Variants in CCDC146 observed in about 807,000 individuals in gnomAD.
The protein encoded by CCDC146 is coiled-coil domain containing 146.
In CCDC146, 92 loss-of-function variants were observed where a neutral mutation model predicts 119.3. The observed-to-expected ratio is 0.77, with a 90% CI of 0.65 to 0.92. The LOEUF is 0.92. Among genes scored for constraint, CCDC146 ranks in the 40% least tolerant of loss-of-function variants. The pLI, the probability that CCDC146 is intolerant of heterozygous loss-of-function variation, is 0.00. For missense variants in CCDC146, 1,000 were observed against 1,103.0 expected (o/e 0.91, Z 1.32); for synonymous variants, 372 against 371.8 (o/e 1.00, Z -0.01).
intron 6 of CCDC146, among the ~76,000 whole-genome samples, chr7:77,256,858 A>T (rs887143423): frequency 6.6e-6 from 1 of 152,186 alleles, no homozygotes; most frequent in South Asian, 2.1e-4. Flanking sequence ...TAATCCCAGC[A>T]CTTTGTGAGG....
chr7:77,173,413 G>C lies in CCDC146; in HGVS notation c.156+5589G>C, dbSNP rs546400379. On this transcript the variant is annotated intron_variant, in intron 2 of 18. Transcript: ENST00000285871. ...GGAGACTGAGGTGAGCGGATCACCT[G>C]AGGTCAGGGGTTCCAGACCAGCCTG... 1.3e-4 allele frequency among the ~76,000 whole-genome samples: 20 copies of C among 152,228 alleles called. No homozygotes were observed. The South Asian group carries it at 4.2e-3, about 32-fold the overall frequency.
At chr7:77,158,364 A>G (rs1439155140) in intron 1 of CCDC146, among the ~76,000 whole-genome samples, 1 of 152,118 alleles carries the variant, frequency 6.6e-6, no homozygotes, top group Non-Finnish European at 1.5e-5. Context: ...AAGGTGTTAT[A>G]TTAAACATTC....
intron 1 of CCDC146, among the ~76,000 whole-genome samples, chr7:77,140,926 AT>A (rs999880382): frequency 1.4e-5 from 2 of 147,616 alleles, no homozygotes; most frequent in Non-Finnish European, 3.0e-5. Flanking sequence ...ATTAGCCTTT[AT>A]TTTTTTTTAT....
At chr7:77,198,875 G>T in intron 2 of CCDC146, 1 of 425,698 alleles carries the variant, frequency 2.3e-6, no homozygotes, top group East Asian at 3.8e-5. Flanking sequence ...GAAGAGACAA[G>T]TTAAATGCAC....
chr7:77,255,791 G>T (rs1033265621), intron 5 of CCDC146, among the ~76,000 whole-genome samples: 2 of 152,160 alleles, frequency 1.3e-5, no homozygotes, highest in African/African-American at 2.4e-5. Context: ...GGGGTAGATG[G>T]TATTTGGGGA....
chr7:77,151,552 A>G (rs73371561), intron 1 of CCDC146, among the ~76,000 whole-genome samples: 1 of 152,196 alleles, frequency 6.6e-6, no homozygotes, highest in African/African-American at 2.4e-5. Flanking sequence ...CAACGTTTGT[A>G]AAATCTCATT....
At chr7:77,284,399 A>T (rs1341218724) in intron 15 of CCDC146, among the ~76,000 whole-genome samples, 1 of 151,140 alleles carries the variant, frequency 6.6e-6, no homozygotes. Flanking sequence ...GCCCCCAGGA[A>T]CTCCATGCTT....
At chr7:77,247,904 C>T (rs1440202798) in intron 4 of CCDC146, among the ~76,000 whole-genome samples, 1 of 152,142 alleles carries the variant, frequency 6.6e-6, no homozygotes, top group African/African-American at 2.4e-5. Flanking sequence ...AAAAATAGAA[C>T]TACTAATCCA....
At chr7:77,189,410 T>C (rs1047501922) in intron 2 of CCDC146, among the ~76,000 whole-genome samples, 6 of 152,208 alleles carry the variant, frequency 3.9e-5, no homozygotes, top group African/African-American at 1.2e-4. Flanking sequence ...GCTTTCCTCA[T>C]CACTTAGCAA....
intron 2 of CCDC146, among the ~76,000 whole-genome samples, chr7:77,202,282 A>G (rs979410300): frequency 6.6e-6 from 1 of 152,330 alleles, no homozygotes; most frequent in East Asian, 1.9e-4. Flanking sequence ...AAGACCTGGT[A>G]TTTTCTTCAC....
At chr7:77,187,418 A>T (rs186410163) in intron 2 of CCDC146, among the ~76,000 whole-genome samples, 105 of 152,054 alleles carry the variant, frequency 6.9e-4, no homozygotes, top group African/African-American at 2.3e-3. Flanking sequence ...GGGGCCTAGT[A>T]CATAAGCTCA....
chr7:77,230,049 T>C (rs1458434585), intron 2 of CCDC146, among the ~76,000 whole-genome samples: 8 of 152,228 alleles, frequency 5.3e-5, no homozygotes, highest in African/African-American at 1.9e-4. Flanking sequence ...TAACATAATA[T>C]GTGGCCTTTG....
intron 2 of CCDC146, among the ~76,000 whole-genome samples, chr7:77,230,688 G>A (rs1280109518): frequency 6.6e-6 from 1 of 152,148 alleles, no homozygotes; most frequent in Non-Finnish European, 1.5e-5. Context: ...AGCAGTTTGT[G>A]ATGTATCTGA....
chr7:77,233,907 A>ATTT (rs11317661), intron 2 of CCDC146, among the ~76,000 whole-genome samples: 14 of 144,670 alleles, frequency 9.7e-5, no homozygotes, highest in African/African-American at 3.5e-4. Context: ...GTATTCTATC[A>ATTT]TTTTTTTTTT....
At chr7:77,271,511 GAGATATATATATATATAT>G (rs1793515118) in intron 9 of CCDC146, among the ~76,000 whole-genome samples, 3 of 66,870 alleles carry the variant, frequency 4.5e-5, no homozygotes, top group Admixed American at 1.9e-4. Flanking sequence ...ACACTAATAG[GAGATATATATATATATAT>G]ATATATATAT....
At chr7:77,256,538 AT>A in intron 6 of CCDC146, 29 bp downstream of exon 6, 1 of 1,564,694 alleles carries the variant, frequency 6.4e-7, no homozygotes, top group Non-Finnish European at 8.7e-7. Context: ...ATATTTAAAC[AT>A]TGTGCCTTGC....
chr7:77,187,361 G>T (rs937930753), intron 2 of CCDC146, among the ~76,000 whole-genome samples: 1 of 152,326 alleles, frequency 6.6e-6, no homozygotes, highest in African/African-American at 2.4e-5. Flanking sequence ...GTTTGATTAT[G>T]TCACATTTAG....
chr7:77,245,906 A>G (rs146410826), intron 4 of CCDC146, among the ~76,000 whole-genome samples: 1,955 of 152,308 alleles, frequency 0.013, 20 homozygotes, highest in Middle Eastern at 0.02. Flanking sequence ...TGTGGCAACA[A>G]ATATCTTAAA....
chr7:77,274,909 A>T (rs1290310581), intron 11 of CCDC146, among the ~76,000 whole-genome samples: 3 of 152,180 alleles, frequency 2.0e-5, no homozygotes, highest in Non-Finnish European at 4.4e-5. Context: ...GGATAGCATT[A>T]GGAGATATAC....
Sources: gnomAD v4.1 joint callset for allele counts (sites outside exome capture counted in the v4.1 genomes callset) on GRCh38, gnomAD v4.1.1 for gene constraint, MANE v1.5 for transcripts, NCBI Gene and HGNC (gene_info 2026-07-23, HGNC 2026-07-21) for gene names.